VPS13B: variants seen among roughly 807,000 people sequenced by gnomAD.
VPS13B encodes intermembrane lipid transfer protein VPS13B.
In VPS13B, 285 loss-of-function variants were observed where a neutral mutation model predicts 426.4. That is an observed-to-expected ratio of 0.67 (90% CI 0.61 to 0.74). VPS13B has a LOEUF of 0.74. Ranked by LOEUF, VPS13B falls within the 30% of genes least tolerant of loss-of-function variation. The pLI, the probability that VPS13B is intolerant of heterozygous loss-of-function variation, is 0.00. For missense variants in VPS13B, 4,537 were observed against 4,782.6 expected (o/e 0.95, Z 1.51); for synonymous variants, 1,676 against 1,676.4 (o/e 1.00, Z 0.01).
intron 19 of VPS13B, among the ~76,000 whole-genome samples, chr8:99,337,578 G>T (rs1399868407): frequency 6.6e-6 from 1 of 151,428 alleles, no homozygotes; most frequent in East Asian, 1.9e-4. Flanking sequence ...TATGTTAATG[G>T]TTTGTCTTTA....
At chr8:99,140,710 C>T (rs548467004) in intron 12 of VPS13B, among the ~76,000 whole-genome samples, 44 of 150,276 alleles carry the variant, frequency 2.9e-4, no homozygotes, top group Non-Finnish European at 3.7e-4. Flanking sequence ...CCTCCTTCTC[C>T]TTCTTTGTGA....
intron 24 of VPS13B, among the ~76,000 whole-genome samples, chr8:99,472,510 CT>C (rs989699648): frequency 2.1e-5 from 3 of 142,760 alleles, no homozygotes; most frequent in African/African-American, 7.6e-5. Flanking sequence ...TTGAATGACA[CT>C]AAAAAAAAAC....
intron 3 of VPS13B, among the ~76,000 whole-genome samples, chr8:99,059,243 T>G (rs1275951049): frequency 1.3e-5 from 2 of 152,212 alleles, no homozygotes; most frequent in Non-Finnish European, 2.9e-5. Context: ...TTCAAGTGAT[T>G]CTCCAGCCTT....
intron 30 of VPS13B, among the ~76,000 whole-genome samples, chr8:99,542,168 C>A (rs1823657901): frequency 6.6e-6 from 1 of 152,154 alleles, no homozygotes; most frequent in South Asian, 2.1e-4. Flanking sequence ...GGATTACAGA[C>A]GTGAGCCACC....
rs116159331 is a variant in VPS13B at position 99,150,233 on chromosome 8, T to C, written c.2013+2223T>C. 4.2e-3 allele frequency among the ~76,000 whole-genome samples: 645 copies of C among 152,284 alleles called. 3 individuals carry two copies. Among genetic ancestry groups the C allele is most frequent in the African/African-American group, 0.015 (615 of 41,538 alleles). ...GCTATCATCTAATTTTTAAAATAGA[T>C]ACTATTTTTTAGAGCAGTTTTAGAT... On this transcript the variant is annotated intron_variant, in intron 14 of 61. Coordinates refer to ENST00000357162, the MANE Select transcript of VPS13B (RefSeq NM_152564.5).
chr8:99,496,045 A>G (rs1009372098), intron 25 of VPS13B, among the ~76,000 whole-genome samples: 1 of 152,192 alleles, frequency 6.6e-6, no homozygotes, highest in Non-Finnish European at 1.5e-5. Flanking sequence ...CATAATTCCA[A>G]AGTGGGCTGG....
chr8:99,481,701 G>C lies in VPS13B; in HGVS notation c.3769G>C (p.Ala1257Pro), dbSNP rs1437011084. Reference sequence around the variant, plus strand: ...ATCTCCAACCTCTCCAGAGACCATGGCAGGGCCTGTTCCTACTTCTCCAGT... The same window carrying C: ...ATCTCCAACCTCTCCAGAGACCATGCCAGGGCCTGTTCCTACTTCTCCAGT... ...NLSPTSPETM[A>P]GPVPTSPVRS... Residue 1257 changes from alanine to proline, a missense_variant, in exon 25 of 62, where the codon GCA becomes CCA. Physicochemically the swap from Ala to Pro is conservative, Grantham distance 27. Transcript: ENST00000357162. The C allele has an allele frequency of 1.9e-6, 3 of 1,613,992 alleles. No homozygotes were observed. In the East Asian group the frequency reaches 6.7e-5, roughly 36 times the overall value.
intron 12 of VPS13B, among the ~76,000 whole-genome samples, chr8:99,137,050 A>G (rs1188360541): frequency 3.9e-5 from 6 of 152,152 alleles, no homozygotes; most frequent in African/African-American, 9.6e-5. Flanking sequence ...AAATTTTTAA[A>G]AAGAATAAAC....
At chr8:99,301,937 G>A (rs1213444759) in intron 19 of VPS13B, among the ~76,000 whole-genome samples, 1 of 152,088 alleles carries the variant, frequency 6.6e-6, no homozygotes, top group African/African-American at 2.4e-5. Context: ...TAAATAAAAT[G>A]TTTAGACTGT....
chr8:99,407,440 A>G (rs1182562971), intron 21 of VPS13B, among the ~76,000 whole-genome samples: 3 of 152,092 alleles, frequency 2.0e-5, no homozygotes, highest in Non-Finnish European at 4.4e-5. Context: ...CTACATTATG[A>G]TACAATTTTT....
At position 99,626,630 on chromosome 8, in the gene VPS13B, G is replaced by A. The variant is rs150014806; in HGVS notation, c.5221-15181G>A. ...AGCATATATTGAAAAATTATATCAA[G>A]GGTAACAAGTTTGCGAGGATGCGGA... On this transcript the variant is annotated intron_variant, in intron 33 of 61. Coordinates refer to ENST00000357162, the MANE Select transcript of VPS13B (RefSeq NM_152564.5). Among the ~76,000 whole-genome samples, 88 of 152,266 alleles carry A rather than the reference G, an allele frequency of 5.8e-4. No homozygotes were observed. The East Asian group carries it at 7.5e-3, about 13-fold the overall frequency.
At chr8:99,608,945 A>G (rs987721399) in intron 33 of VPS13B, among the ~76,000 whole-genome samples, 5 of 152,122 alleles carry the variant, frequency 3.3e-5, no homozygotes, top group Non-Finnish European at 5.9e-5. Context: ...CCTTTTGGCT[A>G]TTATGAATAG....
At chr8:99,643,178 A>G (rs897482169) in intron 34 of VPS13B, among the ~76,000 whole-genome samples, 8 of 152,194 alleles carry the variant, frequency 5.3e-5, no homozygotes, top group African/African-American at 1.9e-4. Context: ...GAGTCAAGCA[A>G]GGTGACAGTA....
intron 21 of VPS13B, among the ~76,000 whole-genome samples, chr8:99,417,040 T>G (rs1010342326): frequency 3.9e-5 from 6 of 152,200 alleles, no homozygotes; most frequent in African/African-American, 1.4e-4. Context: ...ATGTGGTAAA[T>G]GGACATTTAA....
At chr8:99,130,402 T>G (rs1809716644) in intron 8 of VPS13B, among the ~76,000 whole-genome samples, 2 of 151,612 alleles carry the variant, frequency 1.3e-5, no homozygotes, top group Admixed American at 1.3e-4. Context: ...TTTTTTTTTT[T>G]TTTGAGGCAG....
chr8:99,587,378 G>A (rs775177778), intron 33 of VPS13B, among the ~76,000 whole-genome samples: 25 of 151,774 alleles, frequency 1.6e-4, no homozygotes, highest in Admixed American at 3.9e-4. Context: ...TCTAGTTCTA[G>A]ATCCTTGAGG....
intron 35 of VPS13B, among the ~76,000 whole-genome samples, chr8:99,683,219 C>A (rs777059367): frequency 6.6e-6 from 1 of 152,166 alleles, no homozygotes; most frequent in Non-Finnish European, 1.5e-5. Flanking sequence ...TACATATACC[C>A]TCTCCAAAAC....
At chr8:99,234,348 T>A in intron 17 of VPS13B, 1 of 746,222 alleles carries the variant, frequency 1.3e-6, no homozygotes, top group Non-Finnish European at 2.5e-6. Context: ...GCATCCAACA[T>A]CGCCCACTGC....
At chr8:99,023,583 C>A (rs750056044) in intron 2 of VPS13B, among the ~76,000 whole-genome samples, 1 of 151,362 alleles carries the variant, frequency 6.6e-6, no homozygotes. Flanking sequence ...TGGGTTCAAG[C>A]GATTCTTCTG....
Sources: allele counts gnomAD v4.1 joint callset (sites outside exome capture counted in the v4.1 genomes callset), GRCh38; gene constraint gnomAD v4.1.1; transcripts MANE v1.5; gene names NCBI Gene and HGNC (gene_info 2026-07-23, HGNC 2026-07-21).